PIKFYVE: variants seen among roughly 807,000 people sequenced by gnomAD.
PIKFYVE encodes phosphoinositide kinase, FYVE-type zinc finger containing, also known as 1-phosphatidylinositol 3-phosphate 5-kinase.
A neutral mutation model predicts 257.9 loss-of-function variants in PIKFYVE; 122 were observed. That is an observed-to-expected ratio of 0.47 (90% confidence interval 0.41 to 0.55). The LOEUF is 0.55. Ranked by LOEUF, PIKFYVE falls within the 20% of genes least tolerant of loss-of-function variation. The probability of loss-of-function intolerance (pLI) is 0.00; values close to 1 mark genes in which losing one functional copy is unlikely to be tolerated. For missense variants in PIKFYVE, 2,160 were observed against 2,536.6 expected, an observed-to-expected ratio of 0.85 and a Z score of 3.19; for synonymous variants, 892 against 868.9, an observed-to-expected ratio of 1.03 and a Z score of -0.47.
chr2:208,305,115 T>C (rs1272647689), intron 12 of PIKFYVE, 102 bp downstream of exon 12: 18 of 1,567,146 alleles, frequency 1.1e-5, no homozygotes, highest in African/African-American at 5.4e-5. Context: ...CCCACGTGGC[T>C]GAGGGTATTT....
chr2:208,295,842 A>G (rs564317321), intron 7 of PIKFYVE, among the ~76,000 whole-genome samples: 1 of 152,340 alleles, frequency 6.6e-6, no homozygotes, highest in East Asian at 1.9e-4. Context: ...CTTTCAGTCA[A>G]TAGTTTCAGC....
chr2:208,346,159 C>G lies in PIKFYVE; in HGVS notation c.5209+12C>G. 1.3e-6 allele frequency: 2 copies of G among 1,571,146 alleles called. No homozygotes were observed. The highest frequency in any genetic ancestry group is 1.8e-6 in the Non-Finnish European group (2 of 1,141,412). ...AGAACCACAACCAAGTAAGATTACA[C>G]ATGGAGGAATATTTATAATTAGATT... On this transcript the variant is annotated intron_variant, in intron 34 of 41. Transcript: ENST00000264380.
chr2:208,342,868 C>T (rs1698845837), intron 32 of PIKFYVE, among the ~76,000 whole-genome samples: 1 of 145,156 alleles, frequency 6.9e-6, no homozygotes, highest in Admixed American at 7.2e-5. Context: ...AATCTCGGCT[C>T]ACTGCAACCT....
chr2:208,341,316 T>A (rs923180109), intron 31 of PIKFYVE, among the ~76,000 whole-genome samples: 14 of 151,960 alleles, frequency 9.2e-5, no homozygotes, highest in African/African-American at 4.8e-5. Context: ...TTTTTTAATA[T>A]AGTTTTTTTC....
intron 5 of PIKFYVE, among the ~76,000 whole-genome samples, chr2:208,284,756 T>C (rs1359628318): frequency 6.6e-6 from 1 of 152,190 alleles, no homozygotes; most frequent in Non-Finnish European, 1.5e-5. Context: ...TTTGTGTTGG[T>C]TTATTTATTC....
intron 5 of PIKFYVE, among the ~76,000 whole-genome samples, chr2:208,283,777 T>A (rs903047517): frequency 3.3e-5 from 5 of 152,174 alleles, no homozygotes; most frequent in Middle Eastern, 3.4e-3. Context: ...TGATGTGGGG[T>A]CTCACCATGT....
intron 6 of PIKFYVE, among the ~76,000 whole-genome samples, chr2:208,287,014 A>G (rs1350926578): frequency 6.6e-6 from 1 of 152,196 alleles, no homozygotes; most frequent in African/African-American, 2.4e-5. Context: ...GCTACATTCA[A>G]TATGTATGAA....
intron 5 of PIKFYVE, among the ~76,000 whole-genome samples, chr2:208,283,990 C>G (rs1277171984): frequency 6.6e-6 from 1 of 152,110 alleles, no homozygotes; most frequent in Non-Finnish European, 1.5e-5. Context: ...ATACAGTTAA[C>G]TTTTAGAAGT....
At chr2:208,287,037 A>G (rs1281745349) in intron 6 of PIKFYVE, among the ~76,000 whole-genome samples, 1 of 152,134 alleles carries the variant, frequency 6.6e-6, no homozygotes, top group African/African-American at 2.4e-5. Context: ...TCAGGGACAT[A>G]AAGTGGAGTA....
chr2:208,303,851 C>T (rs573242644), intron 10 of PIKFYVE, among the ~76,000 whole-genome samples: 3 of 152,102 alleles, frequency 2.0e-5, no homozygotes, highest in Non-Finnish European at 4.4e-5. Flanking sequence ...AGAATTGCCC[C>T]AGAGCTAAAA....
intron 3 of PIKFYVE, 23 bp from the exon 4 acceptor site, chr2:208,276,689 G>A (rs1690151656): frequency 6.5e-7 from 1 of 1,539,536 alleles, no homozygotes; most frequent in Non-Finnish European, 9.0e-7. Flanking sequence ...TAACAAGGTT[G>A]CTTTTTTTTT....
chr2:208,353,545 C>CTCT (rs1553536798), intron 39 of PIKFYVE, among the ~76,000 whole-genome samples: 113 of 132,954 alleles, frequency 8.5e-4, no homozygotes, highest in East Asian at 6.1e-3. Context: ...GCATCTCTCT[C>CTCT]TTTTTTTTTT....
chr2:208,284,127 A>T (rs1691217723), intron 5 of PIKFYVE, among the ~76,000 whole-genome samples: 1 of 152,190 alleles, frequency 6.6e-6, no homozygotes, highest in Admixed American at 6.5e-5. Flanking sequence ...AATGTTACAG[A>T]ATCACTCAAA....
At chr2:208,309,302 T>A (rs1694701961) in intron 12 of PIKFYVE, among the ~76,000 whole-genome samples, 1 of 152,208 alleles carries the variant, frequency 6.6e-6, no homozygotes, top group Non-Finnish European at 1.5e-5. Context: ...GTTAACACAG[T>A]TAAACATAAA....
intron 17 of PIKFYVE, among the ~76,000 whole-genome samples, chr2:208,321,346 T>G (rs1696180536): frequency 6.6e-6 from 1 of 152,146 alleles, no homozygotes; most frequent in Non-Finnish European, 1.5e-5. Flanking sequence ...GAGCAATCAC[T>G]TTTGTACTGA....
intron 5 of PIKFYVE, among the ~76,000 whole-genome samples, chr2:208,279,393 C>G (rs1208165332): frequency 2.6e-5 from 4 of 152,146 alleles, no homozygotes; most frequent in African/African-American, 7.2e-5. Flanking sequence ...TGCAGAAGCA[C>G]TTTAGTTTAA....
intron 40 of PIKFYVE, 129 bp from the exon 41 acceptor site, chr2:208,354,442 C>CT: frequency 3.2e-6 from 3 of 944,528 alleles, no homozygotes; most frequent in Non-Finnish European, 5.0e-6. Flanking sequence ...GAGAACAGCA[C>CT]TTGGCACATT....
At chr2:208,281,228 C>T (rs1646232854) in intron 5 of PIKFYVE, among the ~76,000 whole-genome samples, 1 of 152,180 alleles carries the variant, frequency 6.6e-6, no homozygotes, top group Non-Finnish European at 1.5e-5. Context: ...TATAATAGGG[C>T]ATTTCTGATA....
intron 17 of PIKFYVE, among the ~76,000 whole-genome samples, chr2:208,321,594 T>C (rs1469454726): frequency 7.2e-6 from 1 of 139,352 alleles, no homozygotes. Flanking sequence ...TTTTTTTTTT[T>C]GAGACGAAGT....
Sources: allele counts gnomAD v4.1 joint callset (sites outside exome capture counted in the v4.1 genomes callset), GRCh38; gene constraint gnomAD v4.1.1; transcripts MANE v1.5; gene names NCBI Gene and HGNC (gene_info 2026-07-23, HGNC 2026-07-21).